The following MYO7A variants were observed in gnomAD, a reference collection of about 807,000 sequenced individuals.
MYO7A encodes unconventional myosin-VIIa.
In MYO7A, 210 loss-of-function variants were observed where a neutral mutation model predicts 263.8. The observed-to-expected ratio is 0.80, with a 90% CI of 0.71 to 0.89. The LOEUF (loss-of-function observed/expected upper bound fraction) is 0.89, where lower values mean the gene tolerates loss of function less well. Ranked by LOEUF, MYO7A falls within the 40% of genes least tolerant of loss-of-function variation. The pLI is 0.00. For missense variants in MYO7A, 2,820 were observed against 2,968.3 expected, an observed-to-expected ratio of 0.95 and a Z score of 1.16; for synonymous variants, 1,239 against 1,197.3, an observed-to-expected ratio of 1.03 and a Z score of -0.72.
Position 77,194,279 on chromosome 11 carries a change from G to A in MYO7A, c.4153-75G>A, listed in dbSNP as rs1030880633. 6.6e-6 allele frequency: 10 copies of A among 1,522,852 alleles called. No homozygotes were observed. In the Admixed American group the frequency reaches 9.7e-5, roughly 15 times the overall value. The allele number at this position is 1,522,852 out of a possible 1,614,324, so 94.3% of individuals were successfully genotyped here. ...GGAGGCAGGGCCAGGAGAGGGGCCT[G>A]GAGCCTTTGGTGGTGTGGAAGGGCT... On this transcript the variant is annotated intron_variant, in intron 31 of 48. Coordinates refer to ENST00000409709, the MANE Select transcript of MYO7A (RefSeq NM_000260.4).
intron 15 of MYO7A, among the ~76,000 whole-genome samples, chr11:77,169,158 C>G (rs560588607): frequency 1.2e-4 from 19 of 152,312 alleles, no homozygotes; most frequent in African/African-American, 4.1e-4. Context: ...GGCAATGCTC[C>G]CATCAGGATG....
In MYO7A at chr11:77,203,174, G is replaced by A; in HGVS notation, c.5283G>A (p.Leu1761=). 1.3e-6 allele frequency: 2 copies of A among 1,552,108 alleles called. No homozygotes were observed. Among genetic ancestry groups the A allele is most frequent in the African/African-American group, 1.4e-5 (1 of 73,310 alleles). The change falls in exon 38 of 49, where the codon CTG becomes CTA. Residue 1761 remains leucine (L), a synonymous_variant. Transcript: ENST00000409709. The part of the protein sequence containing the change: ...PLKQALLKKL[L]GSEELSQEAC... Reference sequence around the variant, plus strand: ...AGCAGGCGCTGCTCAAGAAGCTCCTGGGCAGTGAGGAGCTCTCGCAGGAGG... The same window carrying A: ...AGCAGGCGCTGCTCAAGAAGCTCCTAGGCAGTGAGGAGCTCTCGCAGGAGG...
At chr11:77,172,015 CCTT>C (rs1409480093) in intron 15 of MYO7A, among the ~76,000 whole-genome samples, 1 of 152,200 alleles carries the variant, frequency 6.6e-6, no homozygotes, top group Admixed American at 6.5e-5. Flanking sequence ...TGCTTGTGTG[CCTT>C]CTTAGGAGGA....
At position 77,179,813 on chromosome 11, in the gene MYO7A, C is replaced by A. The variant is rs781926175; in HGVS notation, c.2446C>A (p.Arg816Ser). The change falls in exon 21 of 49, where the codon CGC (arginine) becomes AGC (serine). Residue 816 changes from arginine to serine, a missense_variant. Coordinates refer to ENST00000409709, the MANE Select transcript of MYO7A (RefSeq NM_000260.4). ...CCAGCAGTACCGCCTGGCCCGCCAG[C>A]GCATCATCCAGTTCCAGGCCCGCTG... ...LHQQYRLARQ[R>S]IIQFQARCRA... 3 of 1,547,486 alleles carry A rather than the reference C, an allele frequency of 1.9e-6. No individual in the cohort carries two copies. Among genetic ancestry groups the A allele is most frequent in the South Asian group, 2.4e-5 (2 of 84,182 alleles).
chr11:77,175,407 G>A lies in MYO7A; in HGVS notation c.2130G>A (p.Glu710=), dbSNP rs782221202. Residue 710 remains glutamate, a synonymous_variant, in exon 18 of 49, where the codon GAG becomes GAA. Coordinates refer to ENST00000409709, the MANE Select transcript of MYO7A (RefSeq NM_000260.4). ...DLRGTCQRMA[E]AVLGTHDDWQ... ...GCGGGACTTGCCAGCGCATGGCTGA[G>A]GCTGTGCTGGGCACCCACGATGACT... 4 of 1,613,396 alleles carry A rather than the reference G, an allele frequency of 2.5e-6. No individual in the cohort carries two copies. The highest frequency in any genetic ancestry group is 1.7e-5 in the Admixed American group (1 of 60,038).
At chr11:77,145,223 G>C (rs1365323230) in intron 3 of MYO7A, among the ~76,000 whole-genome samples, 2 of 152,306 alleles carry the variant, frequency 1.3e-5, no homozygotes, top group African/African-American at 4.8e-5. Context: ...ACAATGCCCA[G>C]CTCTGGATGA....
chr11:77,209,005 G>A, intron 44 of MYO7A: 1 of 583,736 alleles, frequency 1.7e-6, no homozygotes, highest in East Asian at 2.8e-5. Flanking sequence ...AGCCCTTAGG[G>A]GCTTGACAGT....
At position 77,183,190 on chromosome 11, in the gene MYO7A, G is replaced by T. The variant is rs948972; in HGVS notation, c.3375+33G>T. 5,802 of 1,543,576 alleles carry T rather than the reference G, an allele frequency of 3.8e-3. 41 individuals are homozygous for T. The highest frequency in any genetic ancestry group is 3.2e-3 in the Non-Finnish European group (3,688 of 1,140,770). The stretch of plus-strand genomic sequence containing the variant: ...CAGACGCTGGGGGTCTGGCAGCCCA[G>T]GGGTGGCTGCCTTAGGTGGCCTAGG... On this transcript the variant is annotated intron_variant, in intron 26 of 48. Transcript: ENST00000409709.
At chr11:77,175,495 TG>T (rs112571133) in intron 18 of MYO7A, 31 bp downstream of exon 18, 9 of 1,591,252 alleles carry the variant, frequency 5.7e-6, no homozygotes, top group Middle Eastern at 1.7e-4. Flanking sequence ...TGGGCTGCCC[TG>T]GGGGGGCTGT....
At position 77,162,880 on chromosome 11, in the gene MYO7A, C is replaced by T. The variant is rs782030792; in HGVS notation, c.1582C>T (p.Leu528=). 15 of 1,613,698 alleles carry T rather than the reference C, an allele frequency of 9.3e-6. No individual in the cohort carries two copies. In the South Asian group the frequency reaches 1.6e-4, roughly 18 times the overall value. ...KGTDTTMLHK[L]NSQHKLNANY... ...CACAGACACCACCATGTTACACAAG[C>T]TGAACTCCCAGCACAAGCTCAACGC... is the stretch of plus-strand genomic sequence containing the variant. The change falls in exon 14 of 49, where the codon CTG becomes TTG. Residue 528 remains leucine, a synonymous_variant. Coordinates refer to ENST00000409709, the MANE Select transcript of MYO7A (RefSeq NM_000260.4).
Position 77,147,900 on chromosome 11 carries a change from G to A in MYO7A, c.235G>A (p.Ala79Thr), listed in dbSNP as rs1555054796. 2 of 1,585,134 alleles carry A rather than the reference G, an allele frequency of 1.3e-6. No individual in the cohort carries two copies. The highest frequency in any genetic ancestry group is 3.6e-5 in the Admixed American group (2 of 55,828). ...GATCCGCCTGGGGGACCTCAACGAGGCGGGCATCTTGCGCAACCTGCTTAT... is the reference window on the plus strand; with the variant it reads ...GATCCGCCTGGGGGACCTCAACGAGACGGGCATCTTGCGCAACCTGCTTAT... The part of the protein sequence containing the change: ...DMIRLGDLNE[A>T]GILRNLLIRY... Residue 79 changes from alanine (A) to threonine (T), a missense_variant, in exon 4 of 49, where the codon GCG becomes ACG. By Grantham distance (58) the Ala-to-Thr change is moderately conservative. Coordinates refer to ENST00000409709, the MANE Select transcript of MYO7A (RefSeq NM_000260.4).
chr11:77,203,361 G>A (rs1957208135), intron 38 of MYO7A, 144 bp downstream of exon 38: 1 of 942,458 alleles, frequency 1.1e-6, no homozygotes, highest in Non-Finnish European at 1.5e-6. Context: ...TGCACCTTTT[G>A]ATATGCAAGG....
intron 3 of MYO7A, among the ~76,000 whole-genome samples, chr11:77,145,395 C>A (rs1951491834): frequency 6.6e-6 from 1 of 152,144 alleles, no homozygotes; most frequent in African/African-American, 2.4e-5. Context: ...CTCAGGAGGG[C>A]AAATTGATGT....
At chr11:77,175,946 G>T (rs1171023686) in intron 18 of MYO7A, among the ~76,000 whole-genome samples, 3 of 152,252 alleles carry the variant, frequency 2.0e-5, no homozygotes, top group African/African-American at 7.2e-5. Flanking sequence ...ATTGCTGCCT[G>T]GGCAGCTGGG....
chr11:77,139,113 G>T (rs1172417408), intron 2 of MYO7A, among the ~76,000 whole-genome samples: 1 of 152,236 alleles, frequency 6.6e-6, no homozygotes, highest in Non-Finnish European at 1.5e-5. Context: ...ATCTTTACAT[G>T]CACTGACTCC....
chr11:77,141,401 C>G (rs751920236), intron 2 of MYO7A, among the ~76,000 whole-genome samples: 7 of 152,192 alleles, frequency 4.6e-5, no homozygotes, highest in Non-Finnish European at 7.3e-5. Flanking sequence ...CAGATTCTGT[C>G]AGACCATTAC....
intron 25 of MYO7A, 109 bp downstream of exon 25, chr11:77,182,709 T>A: frequency 9.8e-6 from 12 of 1,218,532 alleles, no homozygotes; most frequent in Non-Finnish European, 1.4e-5. Flanking sequence ...ATAATTCATC[T>A]CTGCCTCACC....
intron 42 of MYO7A, among the ~76,000 whole-genome samples, chr11:77,207,895 C>T (rs149737528): frequency 6.6e-6 from 1 of 152,182 alleles, no homozygotes; most frequent in Non-Finnish European, 1.5e-5. Context: ...TCACGCTCCC[C>T]CAGCACCTCT....
intron 14 of MYO7A, among the ~76,000 whole-genome samples, chr11:77,165,817 A>AC (rs1403661909): frequency 2.0e-5 from 3 of 151,594 alleles, no homozygotes; most frequent in South Asian, 2.1e-4. Context: ...GGAGACTGAG[A>AC]CCCCCCTGCC....
Sources: gnomAD v4.1 joint callset for allele counts (sites outside exome capture counted in the v4.1 genomes callset) on GRCh38, gnomAD v4.1.1 for gene constraint, MANE v1.5 for transcripts, NCBI Gene and HGNC (gene_info 2026-07-23, HGNC 2026-07-21) for gene names.